PHYKPL: variants seen among roughly 807,000 people sequenced by gnomAD.
PHYKPL encodes the protein 5-phosphonooxy-L-lysine phospho-lyase.
PHYKPL carries 42 observed loss-of-function variants against 51.3 expected under a neutral mutation model. The observed-to-expected ratio is 0.82, with a 90% confidence interval of 0.64 to 1.06. The LOEUF (loss-of-function observed/expected upper bound fraction) is 1.06. PHYKPL is among the 50% of genes least tolerant of loss of function. The probability of loss-of-function intolerance (pLI) is 0.00; values close to 1 mark genes in which losing one functional copy is unlikely to be tolerated. For synonymous variants in PHYKPL, 264 were observed against 236.0 expected (o/e 1.12, Z -1.09); for missense variants, 655 against 586.6 (o/e 1.12, Z -1.20).
chr5:178,211,641 C>T, intron 12 of PHYKPL: 1 of 453,594 alleles, frequency 2.2e-6, no homozygotes, highest in Non-Finnish European at 4.0e-6. Flanking sequence ...TTACAAGAGG[C>T]AAGGGTGGGT....
chr5:178,211,761 C>T (rs1021634277), intron 12 of PHYKPL, 129 bp downstream of exon 12: 3 of 641,178 alleles, frequency 4.7e-6, no homozygotes, highest in Non-Finnish European at 8.2e-6. Flanking sequence ...AGAAACTAAC[C>T]TTTGGGAAGG....
chr5:178,227,811 C>T (rs550115240), intron 3 of PHYKPL, among the ~76,000 whole-genome samples: 128 of 152,162 alleles, frequency 8.4e-4, no homozygotes, highest in African/African-American at 2.6e-3. Flanking sequence ...AGGAGGAGGA[C>T]GCCAGGTGAG....
At chr5:178,223,966 C>T (rs137919331) in intron 6 of PHYKPL, 288 of 185,006 alleles carry the variant, frequency 1.6e-3, no homozygotes, top group African/African-American at 6.6e-3. Flanking sequence ...AGAGCAGCCC[C>T]GGCCCCAGGT....
chr5:178,218,270 A>C (rs900974839), intron 8 of PHYKPL, among the ~76,000 whole-genome samples: 2 of 151,862 alleles, frequency 1.3e-5, no homozygotes. Flanking sequence ...TATAGACCCA[A>C]GGACACAAGC....
rs886574727 is a variant in PHYKPL, at chr5:178,215,450, C to T, written c.928-20G>A. On this transcript the variant is annotated intron_variant, in intron 8 of 12. Transcript: ENST00000308158. ...CCCAAACTGAGCCAGGGACAAAGAACATGTCAGATGCCCTGGCAGAGTGGG... is the reference window on the plus strand; with the variant it reads ...CCCAAACTGAGCCAGGGACAAAGAATATGTCAGATGCCCTGGCAGAGTGGG... 6.3e-7 allele frequency: 1 copy of T among 1,599,520 alleles called. No homozygotes were observed. Among genetic ancestry groups the T allele is most frequent in the Non-Finnish European group, 8.5e-7 (1 of 1,171,566 alleles).
intron 1 of PHYKPL, chr5:178,232,230 G>C: frequency 7.9e-7 from 1 of 1,259,508 alleles, no homozygotes; most frequent in Non-Finnish European, 1.0e-6. Flanking sequence ...GGTGAGGGCG[G>C]GGCCGTCTCC....
Position 178,232,706 on chromosome 5 carries a change from T to C in PHYKPL, c.-156A>G, listed in dbSNP as rs1025109185. 2.1e-5 allele frequency: 18 copies of C among 847,312 alleles called. No homozygotes were observed. The East Asian group carries it at 4.2e-4, about 20-fold the overall frequency. The allele number at this position is 847,312 out of a possible 1,614,324, so 52.5% of individuals were successfully genotyped here. On this transcript the variant is annotated 5_prime_UTR_variant, in exon 1 of 13. Transcript: ENST00000308158. ...CCGCCCCGAAGCGCCCGCGTTGCGGTGGTTCATTTCTTCGCTTGCCCACTG... is the reference window on the plus strand; with the variant it reads ...CCGCCCCGAAGCGCCCGCGTTGCGGCGGTTCATTTCTTCGCTTGCCCACTG...
chr5:178,231,332 C>G, intron 2 of PHYKPL, 73 bp downstream of exon 2: 1 of 1,608,734 alleles, frequency 6.2e-7, no homozygotes, highest in Non-Finnish European at 8.5e-7. Flanking sequence ...TCGGCAATCT[C>G]AGGTCACCTT....
intron 12 of PHYKPL, chr5:178,211,220 C>CGGGGGG (rs56204741): frequency 2.9e-5 from 4 of 140,308 alleles, no homozygotes; most frequent in African/African-American, 1.1e-4. Flanking sequence ...TCGAGGGAGG[C>CGGGGGG]GGGGGGGGGG....
rs112605144 is a variant in PHYKPL at position 178,224,611 on chromosome 5, C to CCGA, written c.501+28_501+30dup. On this transcript the variant is annotated intron_variant, in intron 5 of 12. Transcript: ENST00000308158. ...TGTTATCCGGGCTTGGGGACAGGCA[C>CCGA]CGACCTGTTGTTGAGTTGGGCAGTG... 4.9e-5 allele frequency: 79 copies of CCGA among 1,614,118 alleles called. No homozygotes were observed. The Middle Eastern group carries it at 4.9e-4, about 10-fold the overall frequency.
At chr5:178,210,854 T>C (rs1258578556) in intron 12 of PHYKPL, 1 of 560,466 alleles carries the variant, frequency 1.8e-6, no homozygotes, top group Non-Finnish European at 3.2e-6. Flanking sequence ...GGCTGATTTT[T>C]ATTACCAGGT....
intron 3 of PHYKPL, chr5:178,228,281 T>A: frequency 4.2e-6 from 2 of 479,724 alleles, no homozygotes; most frequent in Admixed American, 3.6e-5. Flanking sequence ...AGGGAAGGAG[T>A]GGCTAGAGAA....
At chr5:178,208,239 G>C (rs1474088164), downstream of PHYKPL, among the ~76,000 whole-genome samples, 1 of 152,242 alleles carries the variant, frequency 6.6e-6, no homozygotes, top group Non-Finnish European at 1.5e-5. Context: ...TTGGCAGCCA[G>C]ATAAGGTGGG....
rs1581353734 is a variant in PHYKPL at position 178,227,327 on chromosome 5, C to A, written c.339-1898G>T. Among the ~76,000 whole-genome samples the A allele has an allele frequency of 5.9e-5, 9 of 152,340 alleles. No individual in the cohort carries two copies. The South Asian group carries it at 1.9e-3, about 32-fold the overall frequency. ...TTAGAAGAAACCAACCCTGCGAACA[C>A]CTTGGTCTTGGACTTCCAGCCTCCA... On this transcript the variant is annotated intron_variant, in intron 3 of 12. Coordinates refer to ENST00000308158, the MANE Select transcript of PHYKPL (RefSeq NM_153373.4).
At chr5:178,232,323 C>T (rs903034377) in intron 1 of PHYKPL, 169 bp downstream of exon 1, 94 of 1,269,388 alleles carry the variant, frequency 7.4e-5, no homozygotes, top group Admixed American at 1.6e-4. Flanking sequence ...GCGCCGCCCG[C>T]CTCGGGCCCT....
At chr5:178,218,164 T>C (rs1301766752) in intron 8 of PHYKPL, among the ~76,000 whole-genome samples, 2 of 97,836 alleles carry the variant, frequency 2.0e-5, no homozygotes, top group East Asian at 2.8e-4. Flanking sequence ...TTGCAGTGAG[T>C]CGAGATCGCG....
At position 178,223,444 on chromosome 5, in the gene PHYKPL, GC is replaced by G. The variant is rs758096289; in HGVS notation, c.619-511del. On this transcript the variant is annotated intron_variant, in intron 6 of 12. Coordinates refer to ENST00000308158, the MANE Select transcript of PHYKPL (RefSeq NM_153373.4). ...ATGATGCCTCAACCCAGAGAACTGAGCATGTCACTGTTGTTTAAAACCCCTC... is the reference window on the plus strand; with the variant it reads ...ATGATGCCTCAACCCAGAGAACTGAGATGTCACTGTTGTTTAAAACCCCTC... 1.2e-4 allele frequency: 53 copies of G among 456,140 alleles called. 2 individuals carry two copies. Among genetic ancestry groups the G allele is most frequent in the South Asian group, 8.1e-4 (52 of 64,562 alleles). 28.3% of individuals were successfully genotyped at this position (456,140 alleles called of 1,614,324 possible).
At chr5:178,232,373 G>T in intron 1 of PHYKPL, 119 bp downstream of exon 1, 1 of 1,313,862 alleles carries the variant, frequency 7.6e-7, no homozygotes, top group South Asian at 2.1e-5. Flanking sequence ...CGGACGGGAT[G>T]GGTAGCAGCG....
intron 12 of PHYKPL, chr5:178,210,061 G>T: frequency 1.3e-6 from 2 of 1,582,128 alleles, no homozygotes; most frequent in Non-Finnish European, 1.7e-6. Flanking sequence ...CCAAAGGGCA[G>T]GATTTCCTCC....
Sources: allele counts gnomAD v4.1 joint callset (sites outside exome capture counted in the v4.1 genomes callset), GRCh38; gene constraint gnomAD v4.1.1; transcripts MANE v1.5; gene names NCBI Gene and HGNC (gene_info 2026-07-23, HGNC 2026-07-21).